LRRTM3: variants seen among roughly 807,000 people sequenced by gnomAD.
The protein encoded by LRRTM3 is leucine-rich repeat transmembrane neuronal protein 3.
A neutral mutation model predicts 44.7 loss-of-function variants in LRRTM3; 24 were observed. The observed-to-expected ratio is 0.54, with a 90% CI of 0.39 to 0.76. The LOEUF (loss-of-function observed/expected upper bound fraction) is 0.76, where lower values mean the gene tolerates loss of function less well. Ranked by LOEUF, LRRTM3 falls within the 30% of genes least tolerant of loss-of-function variation. The pLI, the probability that LRRTM3 is intolerant of heterozygous loss-of-function variation, is 0.00. For synonymous variants in LRRTM3, 277 were observed against 278.7 expected, an observed-to-expected ratio of 0.99 and a Z score of 0.06; for missense variants, 587 against 702.2, an observed-to-expected ratio of 0.84 and a Z score of 1.85.
At chr10:67,044,763 A>T (rs1427503051) in intron 2 of LRRTM3, among the ~76,000 whole-genome samples, 1 of 152,222 alleles carries the variant, frequency 6.6e-6, no homozygotes, top group East Asian at 1.9e-4. Flanking sequence ...CTCAGCAAAA[A>T]GCATGATTCA....
chr10:66,955,161 T>C (rs1848722469), intron 2 of LRRTM3, among the ~76,000 whole-genome samples: 2 of 152,170 alleles, frequency 1.3e-5, no homozygotes, highest in South Asian at 4.1e-4. Flanking sequence ...TTTCTAATCT[T>C]ACTCTGAGTA....
At chr10:67,007,886 T>C (rs1852099168) in intron 2 of LRRTM3, among the ~76,000 whole-genome samples, 1 of 152,030 alleles carries the variant, frequency 6.6e-6, no homozygotes, top group South Asian at 2.1e-4. Context: ...CAAAGGAAGC[T>C]ACAGAGGAAG....
At chr10:67,013,252 C>G (rs766239473) in intron 2 of LRRTM3, among the ~76,000 whole-genome samples, 1 of 151,474 alleles carries the variant, frequency 6.6e-6, no homozygotes. Context: ...TAAGTTGCCT[C>G]TCTTCATTTA....
Position 66,935,900 on chromosome 10 carries a change from C to T in LRRTM3, c.1536+7448C>T, listed in dbSNP as rs1448163155. Reference sequence around the variant, plus strand: ...TAGGACTGCTCTAAAATAATTTATACCCCACCCACAAAAGGCTTCTCAAAG... The same window carrying T: ...TAGGACTGCTCTAAAATAATTTATATCCCACCCACAAAAGGCTTCTCAAAG... On this transcript the variant is annotated intron_variant, in intron 2 of 2. Transcript: ENST00000361320. Among the ~76,000 whole-genome samples the T allele has an allele frequency of 2.6e-5, 4 of 152,042 alleles. No individual in the cohort carries two copies. In the Middle Eastern group the frequency reaches 0.014, roughly 517 times the overall value.
In LRRTM3 at chr10:66,927,020, C is replaced by T; in HGVS notation, c.104C>T (p.Pro35Leu). The T allele has an allele frequency of 1.2e-6, 2 of 1,614,124 alleles. No individual in the cohort carries two copies. The highest frequency in any genetic ancestry group is 2.7e-5 in the African/African-American group (2 of 75,030). ...TMLSSAERGC[P>L]KGCRCEGKMV... ...CTTTCTTCTGCCGAACGAGGATGCC[C>T]TAAGGGCTGTAGGTGTGAAGGCAAA... Residue 35 changes from proline to leucine, a missense_variant, in exon 2 of 3, where the codon CCT becomes CTT. Transcript: ENST00000361320. This position sits in a 1 kb window ranked among gnomAD's most constrained non-coding sequence, Gnocchi z 4.7.
chr10:67,000,787 T>C (rs1355028988), intron 2 of LRRTM3, among the ~76,000 whole-genome samples: 1 of 152,100 alleles, frequency 6.6e-6, no homozygotes, highest in Non-Finnish European at 1.5e-5. Context: ...GGGGAGCGCA[T>C]TATGAAGAGT....
chr10:67,051,084 A>G (rs1855060856), intron 2 of LRRTM3, among the ~76,000 whole-genome samples: 1 of 152,214 alleles, frequency 6.6e-6, no homozygotes, highest in Admixed American at 6.5e-5. Context: ...TACAGATACA[A>G]ATTAACCAAT....
chr10:67,087,130 C>A (rs1462082832), intron 2 of LRRTM3, among the ~76,000 whole-genome samples: 1 of 152,024 alleles, frequency 6.6e-6, no homozygotes, highest in Non-Finnish European at 1.5e-5. Flanking sequence ...TTAGCAGGCA[C>A]TGGGCTGTGC....
At chr10:67,069,127 G>T (rs556974569) in intron 2 of LRRTM3, among the ~76,000 whole-genome samples, 68 of 151,922 alleles carry the variant, frequency 4.5e-4, no homozygotes, top group Non-Finnish European at 4.0e-4. Flanking sequence ...AGTGGCATGA[G>T]TTTAAGAGGA....
At chr10:66,941,648 T>C (rs1334629092) in intron 2 of LRRTM3, among the ~76,000 whole-genome samples, 1 of 152,176 alleles carries the variant, frequency 6.6e-6, no homozygotes, top group African/African-American at 2.4e-5. Flanking sequence ...CAGGGCTCAT[T>C]TGCAGAACTC....
intron 2 of LRRTM3, among the ~76,000 whole-genome samples, chr10:66,968,529 C>T (rs949326480): frequency 1.3e-5 from 2 of 151,536 alleles, no homozygotes; most frequent in Non-Finnish European, 1.5e-5. Flanking sequence ...TCTAAAAAAA[C>T]GTGGTTAGAA....
intron 2 of LRRTM3, among the ~76,000 whole-genome samples, chr10:67,050,458 T>G (rs1855016984): frequency 6.6e-6 from 1 of 152,182 alleles, no homozygotes. Flanking sequence ...AAAAAAAAAG[T>G]ACCCATTCAG....
chr10:66,927,337 T>G lies in LRRTM3; in HGVS notation c.421T>G (p.Ser141Ala). 6.2e-7 allele frequency: 1 copy of G among 1,614,166 alleles called. No individual in the cohort carries two copies. The highest frequency in any genetic ancestry group is 8.5e-7 in the Non-Finnish European group (1 of 1,180,034). ...GACAAATTTACGGAACTTGGATCTG[T>G]CCTATAATCAGCTGCATTCTCTGGG... ...PVTNLRNLDL[S>A]YNQLHSLGSE... The change falls in exon 2 of 3, where the codon TCC becomes GCC. Residue 141 changes from serine (S) to alanine (A), a missense_variant. Around this residue, in one of 3 missense-constraint regions of LRRTM3, gnomAD observed 222 missense variants for 323.3 expected, o/e 0.69. Coordinates refer to ENST00000361320, the MANE Select transcript of LRRTM3 (RefSeq NM_178011.5). The surrounding 1 kb of genome is among the most constrained non-coding windows in gnomAD (Gnocchi z 4.7).
At chr10:66,946,060 A>C (rs1402041860) in intron 2 of LRRTM3, among the ~76,000 whole-genome samples, 5 of 152,198 alleles carry the variant, frequency 3.3e-5, no homozygotes, top group Non-Finnish European at 7.4e-5. Context: ...AGAGACATGA[A>C]ATGAGCACAT....
intron 2 of LRRTM3, among the ~76,000 whole-genome samples, chr10:67,069,449 ATATAT>A (rs1323826281): frequency 8.5e-5 from 13 of 152,126 alleles, no homozygotes; most frequent in African/African-American, 2.9e-4. Flanking sequence ...AAGATTTTAT[ATATAT>A]TATATGTATA....
intron 2 of LRRTM3, among the ~76,000 whole-genome samples, chr10:66,949,315 G>C (rs1239848159): frequency 6.6e-6 from 1 of 152,174 alleles, no homozygotes; most frequent in Non-Finnish European, 1.5e-5. Context: ...CCAGCACTTT[G>C]GGAGGCCGAG....
chr10:66,984,166 T>A (rs1850600282), intron 2 of LRRTM3, among the ~76,000 whole-genome samples: 2 of 152,160 alleles, frequency 1.3e-5, no homozygotes. Context: ...AAAAACACTT[T>A]TTAAGTCAAG....
intron 2 of LRRTM3, among the ~76,000 whole-genome samples, chr10:66,971,763 C>A (rs1236195403): frequency 6.6e-6 from 1 of 152,104 alleles, no homozygotes; most frequent in African/African-American, 2.4e-5. Context: ...AGAAAATATA[C>A]CATAAACATA....
At chr10:66,988,760 G>A (rs1197987466) in intron 2 of LRRTM3, among the ~76,000 whole-genome samples, 1 of 151,968 alleles carries the variant, frequency 6.6e-6, no homozygotes, top group Non-Finnish European at 1.5e-5. Context: ...AAAGGAGACA[G>A]GTGCAATTTT....
Sources: gnomAD v4.1 joint callset for allele counts (sites outside exome capture counted in the v4.1 genomes callset) on GRCh38, gnomAD v4.1.1 for gene constraint, gnomAD v4.1.1 regional missense constraint, Gnocchi (gnomAD v3.1) non-coding constraint, MANE v1.5 for transcripts, NCBI Gene and HGNC (gene_info 2026-07-23, HGNC 2026-07-21) for gene names.